The following DKKL1 variants were observed in gnomAD, a reference collection of about 807,000 sequenced individuals.
DKKL1 encodes dickkopf like acrosomal protein 1, also known as dickkopf-like protein 1.
In DKKL1, 11 loss-of-function variants were observed where a neutral mutation model predicts 16.5. The ratio of observed to expected loss-of-function variants is 0.67; its 90% CI spans 0.42 to 1.10. The LOEUF (loss-of-function observed/expected upper bound fraction) is 1.10. Ranked by LOEUF, DKKL1 falls within the 50% of genes least tolerant of loss-of-function variation. The pLI is 0.00. For synonymous variants in DKKL1, 119 were observed against 133.2 expected, an observed-to-expected ratio of 0.89 and a Z score of 0.73; for missense variants, 320 against 308.1, an observed-to-expected ratio of 1.04 and a Z score of -0.29.
At chr19:49,367,582 T>C (rs553286551) in intron 4 of DKKL1, among the ~76,000 whole-genome samples, 1 of 151,504 alleles carries the variant, frequency 6.6e-6, no homozygotes, top group Admixed American at 6.6e-5. Flanking sequence ...AATTTTTCTA[T>C]TTTTAGAGAG....
chr19:49,363,665 G>A, upstream of DKKL1: 2 of 409,858 alleles, frequency 4.9e-6, no homozygotes, highest in Non-Finnish European at 9.2e-6. Context: ...ACTGACGTGG[G>A]CGTGGTCTGA....
chr19:49,368,750 TGTTA>T (rs1973358465), intron 4 of DKKL1: 2 of 152,222 alleles, frequency 1.3e-5, no homozygotes, highest in Admixed American at 6.5e-5. Flanking sequence ...CTTTGCTTTG[TGTTA>T]GTAACTCTTT....
At chr19:49,366,944 G>A (rs1384983033) in intron 4 of DKKL1, among the ~76,000 whole-genome samples, 1 of 149,946 alleles carries the variant, frequency 6.7e-6, no homozygotes, top group African/African-American at 2.5e-5. Flanking sequence ...CTGAGCTCAG[G>A]CAATCCGCCC....
chr19:49,374,945 G>A lies in DKKL1; in HGVS notation c.646G>A (p.Gly216Arg). 6.2e-7 allele frequency: 1 copy of A among 1,613,746 alleles called. No individual in the cohort carries two copies. Among genetic ancestry groups the A allele is most frequent in the Non-Finnish European group, 8.5e-7 (1 of 1,179,874 alleles). Residue 216 changes from glycine (G) to arginine (R), a missense_variant, in exon 5 of 5, where the codon GGG becomes AGG. Coordinates refer to ENST00000221498, the MANE Select transcript of DKKL1 (RefSeq NM_014419.4). ...KGTHKDVLEE[G>R]TESSSHSRLS... ...GACCCACAAGGACGTCCTAGAAGAGGGGACCGAGAGCTCCTCCCACTCCAG... is the reference window on the plus strand; with the variant it reads ...GACCCACAAGGACGTCCTAGAAGAGAGGACCGAGAGCTCCTCCCACTCCAG...
intron 4 of DKKL1, among the ~76,000 whole-genome samples, chr19:49,372,693 CAAA>C (rs1228752175): frequency 8.6e-6 from 1 of 115,924 alleles, no homozygotes. Context: ...GACTCCGTCT[CAAA>C]AAAAAAAAAA....
chr19:49,368,165 T>C (rs1973332580), intron 4 of DKKL1, among the ~76,000 whole-genome samples: 1 of 151,878 alleles, frequency 6.6e-6, no homozygotes, highest in African/African-American at 2.4e-5. Context: ...TACGAAAAAT[T>C]AGCCGGGCAT....
chr19:49,364,538 G>A (rs1973174391), intron 1 of DKKL1, 44 bp from the exon 2 acceptor site: 4 of 1,556,330 alleles, frequency 2.6e-6, no homozygotes, highest in Non-Finnish European at 3.5e-6. Flanking sequence ...CTTGGGTGGG[G>A]GCGTGGCCAC....
chr19:49,364,608 C>T lies in DKKL1; in HGVS notation c.37C>T (p.His13Tyr), dbSNP rs1242782582. The change falls in exon 2 of 5, where the codon CAT (histidine) becomes TAT (tyrosine). Residue 13 changes from histidine to tyrosine, a missense_variant. Transcript: ENST00000221498. ...CTCCCCACCTGCCCCCGCAAGGCGGCATCTGCTGGTCCTGCTGCTGCTCCT... is the reference window on the plus strand; with the variant it reads ...CTCCCCACCTGCCCCCGCAAGGCGGTATCTGCTGGTCCTGCTGCTGCTCCT... ...EASPPAPARRHLLVLLLLLST... is the reference protein window; with the variant it reads ...EASPPAPARRYLLVLLLLLST... The T allele has an allele frequency of 5.0e-6, 8 of 1,612,656 alleles. No individual in the cohort carries two copies. Among genetic ancestry groups the T allele is most frequent in the Non-Finnish European group, 6.8e-6 (8 of 1,179,806 alleles).
chr19:49,372,509 C>T (rs758934225), intron 4 of DKKL1, among the ~76,000 whole-genome samples: 3 of 151,826 alleles, frequency 2.0e-5, no homozygotes, highest in Non-Finnish European at 4.4e-5. Flanking sequence ...CTGGCTAATG[C>T]GGTGAAATCC....
At position 49,365,667 on chromosome 19, in the gene DKKL1, C is replaced by A. The variant is rs752021470; in HGVS notation, c.324+18C>A. On this transcript the variant is annotated intron_variant, in intron 3 of 4. Coordinates refer to ENST00000221498, the MANE Select transcript of DKKL1 (RefSeq NM_014419.4). Reference sequence around the variant, plus strand: ...TCGACAAGGTGCCTATGCAGGGAAGCCCTTCCTGAAGTCCCCTTGGGATCC... The same window carrying A: ...TCGACAAGGTGCCTATGCAGGGAAGACCTTCCTGAAGTCCCCTTGGGATCC... 1.6e-5 allele frequency: 26 copies of A among 1,605,344 alleles called. No individual in the cohort carries two copies. Among genetic ancestry groups the A allele is most frequent in the South Asian group, 1.4e-4 (13 of 89,950 alleles).
At chr19:49,364,499 G>C in intron 1 of DKKL1, 83 bp from the exon 2 acceptor site, 3 of 1,284,296 alleles carry the variant, frequency 2.3e-6, no homozygotes, top group Non-Finnish European at 2.1e-6. Context: ...CTGGGGAGGC[G>C]ACCTGGGCAA....
At chr19:49,366,213 G>C (rs1427532984) in intron 4 of DKKL1, among the ~76,000 whole-genome samples, 1 of 152,184 alleles carries the variant, frequency 6.6e-6, no homozygotes. Flanking sequence ...TTACAGGCAT[G>C]AGCCACCATG....
Position 49,364,760 on chromosome 19 carries a change from C to A in DKKL1, c.183+6C>A, listed in dbSNP as rs772487863. ...TCAGCCGACTTTTCCTGAAAGTAAGCGATGGCGGGGGGATGGGGGAAGAAG... is the reference window on the plus strand; with the variant it reads ...TCAGCCGACTTTTCCTGAAAGTAAGAGATGGCGGGGGGATGGGGGAAGAAG... On this transcript the variant is annotated splice_donor_region_variant and intron_variant, in intron 2 of 4. Transcript: ENST00000221498. 1 of 1,610,938 alleles carries A rather than the reference C, an allele frequency of 6.2e-7. No individual in the cohort carries two copies. The highest frequency in any genetic ancestry group is 2.2e-5 in the East Asian group (1 of 44,840).
chr19:49,363,856 G>A, upstream of DKKL1: 1 of 1,227,492 alleles, frequency 8.1e-7, no homozygotes, highest in Non-Finnish European at 1.1e-6. Flanking sequence ...GGCTCGCGGA[G>A]CGCAACCAAC....
chr19:49,368,488 A>AAAATAAATAAATAAATAAATAAATAAAT (rs1039855646), intron 4 of DKKL1, among the ~76,000 whole-genome samples: 135 of 151,152 alleles, frequency 8.9e-4, no homozygotes, highest in African/African-American at 3.2e-3. Context: ...TCTGTCTCAA[A>AAAATAAATAAATAAATAAATAAATAAAT]AAATAAATAA....
rs1448479998 is a variant in DKKL1 at position 49,364,670 on chromosome 19, C to G, written c.99C>G (p.Ile33Met). 3 of 1,614,018 alleles carry G rather than the reference C, an allele frequency of 1.9e-6. No individual in the cohort carries two copies. The highest frequency in any genetic ancestry group is 1.3e-5 in the African/African-American group (1 of 74,942). Residue 33 changes from isoleucine to methionine, a missense_variant, in exon 2 of 5, where the codon ATC (isoleucine) becomes ATG (methionine). Ile to Met is a conservative substitution (Grantham distance 10, BLOSUM62 1). Coordinates refer to ENST00000221498, the MANE Select transcript of DKKL1 (RefSeq NM_014419.4). ...TGATCCCCTCCGCTGCAGCTCCTATCCATGATGCTGACGCCCAAGAGAGCT... is the reference window on the plus strand; with the variant it reads ...TGATCCCCTCCGCTGCAGCTCCTATGCATGATGCTGACGCCCAAGAGAGCT... ...TLVIPSAAAP[I>M]HDADAQESSL...
rs142027520 is a variant in DKKL1, at chr19:49,368,053, C to G, written c.417+2168C>G. Reference sequence around the variant, plus strand: ...GTAGGCCAGGCATGCTGGCTTACGCCTGTAATCCTAGCAATTTGGGAGGCC... The same window carrying G: ...GTAGGCCAGGCATGCTGGCTTACGCGTGTAATCCTAGCAATTTGGGAGGCC... On this transcript the variant is annotated intron_variant, in intron 4 of 4. Transcript: ENST00000221498. Among the ~76,000 whole-genome samples, 334 of 152,214 alleles carry G rather than the reference C, an allele frequency of 2.2e-3. 2 individuals carry two copies. Among genetic ancestry groups the G allele is most frequent in the African/African-American group, 7.6e-3 (315 of 41,532 alleles).
intron 4 of DKKL1, among the ~76,000 whole-genome samples, chr19:49,366,131 A>C (rs777452055): frequency 6.6e-6 from 1 of 152,080 alleles, no homozygotes; most frequent in South Asian, 2.1e-4. Flanking sequence ...GGGTTTCTCC[A>C]TGTTGGTCAG....
intron 4 of DKKL1, chr19:49,370,628 A>AAAGCTCACATGAGGATGCTCC (rs1973442739): frequency 6.6e-6 from 1 of 152,234 alleles, no homozygotes; most frequent in Non-Finnish European, 1.5e-5. Context: ...CTCACCAACG[A>AAAGCTCACATGAGGATGCTCC]AAGCTCACAT....
Sources: gnomAD v4.1 joint callset for allele counts (sites outside exome capture counted in the v4.1 genomes callset) on GRCh38, gnomAD v4.1.1 for gene constraint, MANE v1.5 for transcripts, NCBI Gene and HGNC (gene_info 2026-07-23, HGNC 2026-07-21) for gene names.